Variants in SPEN observed in about 807,000 individuals in gnomAD.
SPEN encodes the protein msx2-interacting protein.
A neutral mutation model predicts 269.9 loss-of-function variants in SPEN; 18 were observed. The observed-to-expected ratio is 0.07, with a 90% confidence interval of 0.05 to 0.10. SPEN has a LOEUF of 0.10. Ranked by LOEUF, SPEN falls within the 10% of genes least tolerant of loss-of-function variation. The probability of loss-of-function intolerance (pLI) is 1.00; values close to 1 mark genes in which losing one functional copy is unlikely to be tolerated. For synonymous variants in SPEN, 1,726 were observed against 1,765.7 expected, an observed-to-expected ratio of 0.98 and a Z score of 0.56; for missense variants, 3,822 against 4,631.2, an observed-to-expected ratio of 0.83 and a Z score of 5.07.
chr1:15,901,241 G>GT (rs2070896201), intron 3 of SPEN, among the ~76,000 whole-genome samples: 2 of 151,638 alleles, frequency 1.3e-5, no homozygotes, highest in South Asian at 4.2e-4. Context: ...CTAGAACCTG[G>GT]GAGGCAGGGG....
rs1557758397 is a variant in SPEN at position 15,928,727 on chromosome 1, C to T, written c.2487C>T (p.His829=). 1.2e-6 allele frequency: 2 copies of T among 1,614,100 alleles called. No individual in the cohort carries two copies. The highest frequency in any genetic ancestry group is 1.7e-6 in the Non-Finnish European group (2 of 1,180,034). ...AGCAGAAACGCAAAGGAAAGGTTCA[C>T]TCCCCTAGTTCTCAGTCTTCAGAAA... The part of the protein sequence containing the change: ...TDKQKRKGKV[H]SPSSQSSETD... Residue 829 remains histidine, a synonymous_variant, in exon 11 of 15, where the codon CAC becomes CAT. Coordinates refer to ENST00000375759, the MANE Select transcript of SPEN (RefSeq NM_015001.3). This position sits in a 1 kb window ranked among gnomAD's most constrained non-coding sequence, Gnocchi z 5.7.
chr1:15,906,195 T>C (rs1214114118), intron 3 of SPEN, among the ~76,000 whole-genome samples: 2 of 152,192 alleles, frequency 1.3e-5, no homozygotes, highest in Admixed American at 6.5e-5. Context: ...AATGACAATA[T>C]CGTATTCAGG....
Position 15,935,398 on chromosome 1 carries a change from A to G in SPEN, c.9158A>G (p.Asn3053Ser), listed in dbSNP as rs766452705. 3.1e-6 allele frequency: 5 copies of G among 1,613,814 alleles called. No homozygotes were observed. The highest frequency in any genetic ancestry group is 1.7e-5 in the Admixed American group (1 of 59,984). ...SSTASTALSTNATVMLAAGIP... is the reference protein window; with the variant it reads ...SSTASTALSTSATVMLAAGIP... Reference sequence around the variant, plus strand: ...ACTGCATCTACGGCGCTCTCCACCAACGCCACAGTCATGCTGGCTGCAGGC... The same window carrying G: ...ACTGCATCTACGGCGCTCTCCACCAGCGCCACAGTCATGCTGGCTGCAGGC... The change falls in exon 11 of 15, where the codon AAC becomes AGC. Residue 3053 changes from asparagine (N) to serine (S), a missense_variant. By Grantham distance (46) the Asn-to-Ser change is conservative. Coordinates refer to ENST00000375759, the MANE Select transcript of SPEN (RefSeq NM_015001.3). The surrounding 1 kb of genome is among the most constrained non-coding windows in gnomAD (Gnocchi z 7.7).
chr1:15,913,498 A>ACCC (rs1264229293), intron 5 of SPEN, among the ~76,000 whole-genome samples: 1 of 151,944 alleles, frequency 6.6e-6, no homozygotes, highest in Non-Finnish European at 1.5e-5. Flanking sequence ...CTCTGTTGCC[A>ACCC]CCCAGGCTAG....
rs1482118387 is a variant in SPEN at position 15,935,359 on chromosome 1, G to A, written c.9119G>A (p.Ser3040Asn). 1 of 1,614,084 alleles carries A rather than the reference G, an allele frequency of 6.2e-7. No individual in the cohort carries two copies. The highest frequency in any genetic ancestry group is 1.7e-5 in the Admixed American group (1 of 60,024). The change falls in exon 11 of 15, where the codon AGC (serine) becomes AAC (asparagine). Residue 3040 changes from serine to asparagine, a missense_variant. Ser to Asn is a conservative substitution (Grantham distance 46). This residue lies in a region of SPEN where 153 missense variants were observed against 228.5 expected (regional missense o/e 0.67). Transcript: ENST00000375759. This position sits in a 1 kb window ranked among gnomAD's most constrained non-coding sequence, Gnocchi z 7.7. ...GPGPSSFPRA[S>N]HPSSTASTAL... ...GGGCCATCCTCATTCCCAAGGGCAA[G>A]CCACCCCAGCAGTACTGCATCTACG...
intron 3 of SPEN, among the ~76,000 whole-genome samples, chr1:15,898,695 G>T (rs1007648044): frequency 1.3e-5 from 2 of 151,854 alleles, no homozygotes; most frequent in Non-Finnish European, 2.9e-5. Flanking sequence ...GAGTAGCTGG[G>T]ATTACAGGCA....
Position 15,934,186 on chromosome 1 carries a change from G to A in SPEN, c.7946G>A (p.Gly2649Asp). The A allele has an allele frequency of 6.2e-7, 1 of 1,614,188 alleles. No homozygotes were observed. Among genetic ancestry groups the A allele is most frequent in the Non-Finnish European group, 8.5e-7 (1 of 1,180,040 alleles). Reference sequence around the variant, plus strand: ...AAACCAGCTCCTCAAACCCTCACTGGTCTGGTGAGCGCACTCACTGGCCTG... The same window carrying A: ...AAACCAGCTCCTCAAACCCTCACTGATCTGGTGAGCGCACTCACTGGCCTG... ...LAKPAPQTLT[G>D]LVSALTGLVN... is the part of the protein sequence containing the mutation. Residue 2649 changes from glycine to aspartate, a missense_variant, in exon 11 of 15, where the codon GGT becomes GAT. Gly to Asp is a moderately conservative substitution (Grantham distance 94, BLOSUM62 -1). Transcript: ENST00000375759. This position sits in a 1 kb window ranked among gnomAD's most constrained non-coding sequence, Gnocchi z 9.2.
chr1:15,930,776 A>G lies in SPEN; in HGVS notation c.4536A>G (p.Lys1512=), dbSNP rs1280280987. 7.4e-6 allele frequency: 12 copies of G among 1,614,104 alleles called. No homozygotes were observed. Among genetic ancestry groups the G allele is most frequent in the Non-Finnish European group, 1.0e-5 (12 of 1,180,042 alleles). Residue 1512 remains lysine (K), a synonymous_variant, in exon 11 of 15, where the codon AAA becomes AAG. Transcript: ENST00000375759. This position sits in a 1 kb window ranked among gnomAD's most constrained non-coding sequence, Gnocchi z 5.3. ...TDSEGKMDDK[K]EDHKEEEQER... is the part of the protein sequence containing the mutation. The stretch of plus-strand genomic sequence containing the variant: ...CAGAAGGGAAAATGGATGATAAGAA[A>G]GAGGACCATAAAGAAGAAGAGCAAG...
chr1:15,866,968 A>C (rs2070519595), intron 1 of SPEN, among the ~76,000 whole-genome samples: 1 of 152,158 alleles, frequency 6.6e-6, no homozygotes, highest in Non-Finnish European at 1.5e-5. Context: ...TGTATTTTTG[A>C]AAGATAACAG....
Position 15,929,254 on chromosome 1 carries a change from G to A in SPEN, c.3014G>A (p.Ser1005Asn), listed in dbSNP as rs1403172872. 4 of 1,614,064 alleles carry A rather than the reference G, an allele frequency of 2.5e-6. No homozygotes were observed. The highest frequency in any genetic ancestry group is 1.3e-5 in the African/African-American group (1 of 74,938). Residue 1005 changes from serine to asparagine, a missense_variant, in exon 11 of 15, where the codon AGC becomes AAC. Physicochemically the swap from Ser to Asn is conservative, Grantham distance 46 (BLOSUM62 1). Transcript: ENST00000375759. This position sits in a 1 kb window ranked among gnomAD's most constrained non-coding sequence, Gnocchi z 5.8. ...AEKQKPEVKK[S>N]SPEMEDARVL... ...AAGCAAAAACCAGAGGTCAAGAAAA[G>A]CAGTCCAGAGATGGAGGATGCTCGC...
intron 3 of SPEN, among the ~76,000 whole-genome samples, chr1:15,883,698 G>T (rs1331832464): frequency 1.3e-5 from 2 of 150,988 alleles, no homozygotes; most frequent in African/African-American, 4.9e-5. Flanking sequence ...GGTATTCTTT[G>T]CACAACCTGT....
At chr1:15,850,701 T>C (rs2070327450) in intron 1 of SPEN, among the ~76,000 whole-genome samples, 1 of 152,184 alleles carries the variant, frequency 6.6e-6, no homozygotes, top group Non-Finnish European at 1.5e-5. Flanking sequence ...TTTTGTAAAA[T>C]GTGTGATTGC....
At chr1:15,889,658 T>C (rs970862396) in intron 3 of SPEN, among the ~76,000 whole-genome samples, 1 of 152,218 alleles carries the variant, frequency 6.6e-6, no homozygotes, top group African/African-American at 2.4e-5. Context: ...CATTAAGTTA[T>C]ATGCTACTGG....
At chr1:15,850,523 A>G (rs1433225656) in intron 1 of SPEN, among the ~76,000 whole-genome samples, 4 of 152,030 alleles carry the variant, frequency 2.6e-5, no homozygotes, top group African/African-American at 7.2e-5. Context: ...TGGAATTCCC[A>G]GTTGCCACAC....
intron 3 of SPEN, among the ~76,000 whole-genome samples, chr1:15,880,133 A>G (rs1329433476): frequency 6.6e-6 from 1 of 152,150 alleles, no homozygotes; most frequent in Non-Finnish European, 1.5e-5. Context: ...AGTAAGGCAT[A>G]CTGAAATCTG....
Position 15,932,267 on chromosome 1 carries a change from A to C in SPEN, c.6027A>C (p.Thr2009=). ...AAAATGAACCGAAGGTGGATGCTAC[A>C]CGTCCTGAGGCCACCACTGAGGTGG... The part of the protein sequence containing the change: ...KGKNEPKVDA[T]RPEATTEVGP... Residue 2009 remains threonine (T), a synonymous_variant, in exon 11 of 15, where the codon ACA becomes ACC. Transcript: ENST00000375759. The surrounding 1 kb of genome is among the most constrained non-coding windows in gnomAD (Gnocchi z 4.2). 1.2e-6 allele frequency: 2 copies of C among 1,610,580 alleles called. No homozygotes were observed. Among genetic ancestry groups the C allele is most frequent in the Non-Finnish European group, 1.7e-6 (2 of 1,178,746 alleles).
At chr1:15,854,383 T>C (rs1337788965) in intron 1 of SPEN, among the ~76,000 whole-genome samples, 7 of 152,206 alleles carry the variant, frequency 4.6e-5, no homozygotes, top group Non-Finnish European at 8.8e-5. Flanking sequence ...TTTAAACTTA[T>C]TATTTTTACT....
chr1:15,877,586 C>T (rs975310813), intron 3 of SPEN, among the ~76,000 whole-genome samples: 3 of 151,812 alleles, frequency 2.0e-5, no homozygotes, highest in East Asian at 1.9e-4. Context: ...ATTTGAAAAG[C>T]GAAAATAGTA....
At position 15,848,301 on chromosome 1, in the gene SPEN, C is replaced by T; in HGVS notation, c.83+151C>T. Reference sequence around the variant, plus strand: ...GTGGGACCTCGTCAGCCGCTCGGCCCGCGTCGCGGCGTTGGGCCTCGGGTG... The same window carrying T: ...GTGGGACCTCGTCAGCCGCTCGGCCTGCGTCGCGGCGTTGGGCCTCGGGTG... On this transcript the variant is annotated intron_variant, in intron 1 of 14. Coordinates refer to ENST00000375759, the MANE Select transcript of SPEN (RefSeq NM_015001.3). The surrounding 1 kb of genome is among the most constrained non-coding windows in gnomAD (Gnocchi z 5.1). The T allele has an allele frequency of 2.4e-6, 1 of 420,594 alleles. No individual in the cohort carries two copies. The highest frequency in any genetic ancestry group is 4.0e-6 in the Non-Finnish European group (1 of 252,104). The allele number at this position is 420,594 out of a possible 1,614,324, so 26.1% of individuals were successfully genotyped here. A position where few individuals can be genotyped will look rare whatever the true frequency, so the allele number is the denominator to read the frequency against.
Sources: allele counts gnomAD v4.1 joint callset (sites outside exome capture counted in the v4.1 genomes callset), GRCh38; gene constraint gnomAD v4.1.1; regional missense constraint gnomAD v4.1.1; non-coding constraint Gnocchi (gnomAD v3.1); transcripts MANE v1.5; gene names NCBI Gene and HGNC (gene_info 2026-07-23, HGNC 2026-07-21).